CBFA2T3: variants seen among roughly 807,000 people sequenced by gnomAD.
CBFA2T3 encodes the protein CBFA2/RUNX1 partner transcriptional co-repressor 3, also known as transcriptional corepressor CBFA2T3.
A neutral mutation model predicts 58.6 loss-of-function variants in CBFA2T3; 31 were observed. The ratio of observed to expected loss-of-function variants is 0.53; its 90% CI spans 0.40 to 0.71. CBFA2T3 has a LOEUF of 0.71. CBFA2T3 is among the 30% of genes least tolerant of loss of function. The pLI, the probability that CBFA2T3 is intolerant of heterozygous loss-of-function variation, is 0.00. For missense variants in CBFA2T3, 1,076 were observed against 963.1 expected (o/e 1.12, Z -1.55); for synonymous variants, 531 against 421.9 (o/e 1.26, Z -3.17).
intron 1 of CBFA2T3, among the ~76,000 whole-genome samples, chr16:88,974,154 T>A (rs986034878): frequency 2.0e-5 from 3 of 152,176 alleles, no homozygotes; most frequent in Non-Finnish European, 4.4e-5. Context: ...CTGGTTCCCA[T>A]CCCTCTCTCC....
chr16:88,894,505 AC>A (rs1969797876), intron 3 of CBFA2T3, among the ~76,000 whole-genome samples: 1 of 127,478 alleles, frequency 7.8e-6, no homozygotes, highest in African/African-American at 3.3e-5. Context: ...ATGCACACAC[AC>A]ATGCACACAC....
At chr16:88,972,820 G>A (rs1464286759) in intron 1 of CBFA2T3, among the ~76,000 whole-genome samples, 1 of 152,230 alleles carries the variant, frequency 6.6e-6, no homozygotes, top group African/African-American at 2.4e-5. Flanking sequence ...ACAGGAGGCG[G>A]GAGGTGAGGT....
In CBFA2T3 at chr16:88,976,876, C is replaced by T. The variant is rs1567645403; in HGVS notation, c.-69G>A. On this transcript the variant is annotated 5_prime_UTR_variant, in exon 1 of 12. Transcript: ENST00000268679. ...CCTCTACCAGGACTGCCTTTCCCGA[C>T]CTCCTGCAGCCTTGAGGGAAAGAGG... 6.7e-7 allele frequency: 1 copy of T among 1,486,858 alleles called. No individual in the cohort carries two copies. The highest frequency in any genetic ancestry group is 1.4e-5 in the African/African-American group (1 of 71,692). 92.1% of individuals were successfully genotyped at this position (1,486,858 alleles called of 1,614,324 possible).
At chr16:88,884,887 C>G in intron 7 of CBFA2T3, 159 bp downstream of exon 7, 2 of 597,852 alleles carry the variant, frequency 3.3e-6, no homozygotes, top group South Asian at 2.2e-5. Context: ...AGCCACCGCT[C>G]TGCTCCAGGG....
chr16:88,932,711 G>A lies in CBFA2T3; in HGVS notation c.152-31055C>T, dbSNP rs577020615. Among the ~76,000 whole-genome samples the A allele has an allele frequency of 8.0e-5, 12 of 150,000 alleles. No individual in the cohort carries two copies. The South Asian group carries it at 2.5e-3, about 32-fold the overall frequency. ...GCCTGTCATCCCAGCACTTTGGGAG[G>A]CTGAGGCAGGTGGATCACCTGAGGT... On this transcript the variant is annotated intron_variant, in intron 1 of 11. Coordinates refer to ENST00000268679, the MANE Select transcript of CBFA2T3 (RefSeq NM_005187.6).
rs566013409 is a variant in CBFA2T3 at position 88,958,674 on chromosome 16, C to G, written c.151+17983G>C. Among the ~76,000 whole-genome samples, 1 of 152,204 alleles carries G rather than the reference C, an allele frequency of 6.6e-6. No individual in the cohort carries two copies. The highest frequency in any genetic ancestry group is 6.5e-5 in the Admixed American group (1 of 15,304). ...CACTACCTTTGGAGGGAGACAAACT[C>G]GCTCCCCCAGGGCCGGGGGCTGGGG... On this transcript the variant is annotated intron_variant, in intron 1 of 11. Coordinates refer to ENST00000268679, the MANE Select transcript of CBFA2T3 (RefSeq NM_005187.6). The surrounding 1 kb of genome is among the most constrained non-coding windows in gnomAD (Gnocchi z 4.0).
chr16:88,908,504 C>A (rs775553985), intron 1 of CBFA2T3, among the ~76,000 whole-genome samples: 1 of 152,204 alleles, frequency 6.6e-6, no homozygotes, highest in African/African-American at 2.4e-5. Context: ...TTGGGCAGAG[C>A]CAGTGGGAAA....
At chr16:88,967,169 AGCCCCCG>A (rs1972533443) in intron 1 of CBFA2T3, among the ~76,000 whole-genome samples, 17 of 29,078 alleles carry the variant, frequency 5.8e-4, no homozygotes, top group Non-Finnish European at 9.4e-4. Flanking sequence ...GCCACCCCCC[AGCCCCCG>A]AGGTGCCACT....
chr16:88,899,805 C>G (rs1401263366), intron 2 of CBFA2T3, among the ~76,000 whole-genome samples: 1 of 152,160 alleles, frequency 6.6e-6, no homozygotes, highest in Non-Finnish European at 1.5e-5. Context: ...CGCCCATGGC[C>G]GGGTCTCCCG....
chr16:88,935,008 G>C (rs1227390547), intron 1 of CBFA2T3, among the ~76,000 whole-genome samples: 1 of 152,142 alleles, frequency 6.6e-6, no homozygotes, highest in Non-Finnish European at 1.5e-5. Context: ...CCAAAGTGCT[G>C]GGATTACAGG....
At position 88,885,872 on chromosome 16, in the gene CBFA2T3, G is replaced by C. The variant is rs762048816; in HGVS notation, c.893+89C>G. 1.6e-6 allele frequency: 2 copies of C among 1,212,436 alleles called. No homozygotes were observed. The highest frequency in any genetic ancestry group is 2.3e-6 in the Non-Finnish European group (2 of 865,464). 75.1% of individuals were successfully genotyped at this position (1,212,436 alleles called of 1,614,324 possible). ...GCCGGCCGGGCTGGCTGCAGCCCCA[G>C]AGGAGGTTCCCTCTCTTACCCAGAG... On this transcript the variant is annotated intron_variant, in intron 6 of 11. Coordinates refer to ENST00000268679, the MANE Select transcript of CBFA2T3 (RefSeq NM_005187.6). This position sits in a 1 kb window ranked among gnomAD's most constrained non-coding sequence, Gnocchi z 5.3.
chr16:88,920,319 C>G (rs969378791), intron 1 of CBFA2T3, among the ~76,000 whole-genome samples: 1 of 152,228 alleles, frequency 6.6e-6, no homozygotes, highest in Admixed American at 6.5e-5. Flanking sequence ...CTCTGTCACC[C>G]AGGCTGAAGT....
Position 88,892,104 on chromosome 16 carries a change from G to C in CBFA2T3, c.622-133C>G. 2.2e-6 allele frequency: 3 copies of C among 1,345,258 alleles called. No homozygotes were observed. The South Asian group carries it at 3.9e-5, about 17-fold the overall frequency. The allele number at this position is 1,345,258 out of a possible 1,614,324, so 83.3% of individuals were successfully genotyped here. A position where few individuals can be genotyped will look rare whatever the true frequency, so the allele number is the denominator to read the frequency against. On this transcript the variant is annotated intron_variant, in intron 4 of 11. Transcript: ENST00000268679. ...CCCAGGAGCTGGGCACGGCCTGAGA[G>C]GGTGCAGGTGGCATCGTGGGAGCGG...
chr16:88,917,347 G>A (rs1179813205), intron 1 of CBFA2T3, among the ~76,000 whole-genome samples: 1 of 152,126 alleles, frequency 6.6e-6, no homozygotes, highest in Non-Finnish European at 1.5e-5. Flanking sequence ...TGCCACCGTG[G>A]GAGGGGAGGG....
chr16:88,938,008 A>T (rs964741831), intron 1 of CBFA2T3: 1 of 152,260 alleles, frequency 6.6e-6, no homozygotes, highest in African/African-American at 2.4e-5. Flanking sequence ...GTCTTTAGCA[A>T]CAACGACCTC....
intron 3 of CBFA2T3, among the ~76,000 whole-genome samples, chr16:88,895,156 C>T (rs1029649792): frequency 2.6e-5 from 4 of 152,210 alleles, no homozygotes; most frequent in African/African-American, 7.2e-5. Context: ...CCTTTCTACC[C>T]GCTCCTGCAG....
At chr16:88,944,143 C>G (rs1156356946) in intron 1 of CBFA2T3, among the ~76,000 whole-genome samples, 1 of 152,090 alleles carries the variant, frequency 6.6e-6, no homozygotes, top group Non-Finnish European at 1.5e-5. Context: ...CAAGACCGTC[C>G]TGGCTAACAC....
At position 88,916,572 on chromosome 16, in the gene CBFA2T3, G is replaced by C. The variant is rs187286766; in HGVS notation, c.152-14916C>G. 3.8e-4 allele frequency among the ~76,000 whole-genome samples: 55 copies of C among 144,562 alleles called. No individual in the cohort carries two copies. The East Asian group carries it at 0.011, about 28-fold the overall frequency. 94.8% of individuals were successfully genotyped at this position (144,562 alleles called of 152,430 possible). A position where few individuals can be genotyped will look rare whatever the true frequency, so the allele number is the denominator to read the frequency against. On this transcript the variant is annotated intron_variant, in intron 1 of 11. Transcript: ENST00000268679. ...GGATGGCTGCAGAACACTCCGGCCT[G>C]AGTGAAAGGTGGTCTGATCTGCAGA... is the stretch of plus-strand genomic sequence containing the variant.
intron 1 of CBFA2T3, among the ~76,000 whole-genome samples, chr16:88,904,053 G>A (rs575497207): frequency 6.0e-4 from 91 of 152,348 alleles, no homozygotes; most frequent in Non-Finnish European, 1.2e-3. Flanking sequence ...ATGCCACGGC[G>A]CAAGGAGTCA....
Sources: allele counts gnomAD v4.1 joint callset (sites outside exome capture counted in the v4.1 genomes callset), GRCh38; gene constraint gnomAD v4.1.1; non-coding constraint Gnocchi (gnomAD v3.1); transcripts MANE v1.5; gene names NCBI Gene and HGNC (gene_info 2026-07-23, HGNC 2026-07-21).